ATRX: variants seen among roughly 807,000 people sequenced by gnomAD.
The protein encoded by ATRX is ATRX chromatin remodeler, also known as chromatin remodeler ATRX.
In ATRX, 12 loss-of-function variants were observed where a neutral mutation model predicts 172.6. The ratio of observed to expected loss-of-function variants is 0.07; its 90% CI spans 0.04 to 0.11. The LOEUF is 0.11. Ranked by LOEUF, ATRX falls within the 10% of genes least tolerant of loss-of-function variation. The probability of loss-of-function intolerance (pLI) is 1.00; values close to 1 mark genes in which losing one functional copy is unlikely to be tolerated. For synonymous variants in ATRX, 674 were observed against 594.7 expected (o/e 1.13, Z -1.94); for missense variants, 1,368 against 1,767.4 (o/e 0.77, Z 4.05).
intron 30 of ATRX, among the ~76,000 whole-genome samples, chrX:77,557,014 T>C (rs2064832658): frequency 8.9e-6 from 1 of 111,801 alleles, no homozygotes; most frequent in Admixed American, 9.5e-5. Flanking sequence ...GTCTTGTTTT[T>C]CTTAGTATTC....
chrX:77,550,757 C>T (rs1347761494), intron 30 of ATRX, among the ~76,000 whole-genome samples: 6 of 111,849 alleles, frequency 5.4e-5, no homozygotes, highest in Non-Finnish European at 1.9e-5. Flanking sequence ...TGATAAACAA[C>T]TTCAGCAAAG....
At chrX:77,515,152 G>A (rs782751984) in intron 34 of ATRX, among the ~76,000 whole-genome samples, 73 of 111,741 alleles carry the variant, frequency 6.5e-4, no homozygotes, top group Admixed American at 6.6e-4. Flanking sequence ...CTGCTGGTGG[G>A]AGTGTAAATT....
At chrX:77,662,917 A>G (rs1472854091) in intron 12 of ATRX, among the ~76,000 whole-genome samples, 4 of 111,350 alleles carry the variant, frequency 3.6e-5, no homozygotes, top group Non-Finnish European at 7.5e-5. Context: ...GGATGGTCTC[A>G]ATCTCCTGAC....
In ATRX at chrX:77,684,174, T is replaced by C. The variant is rs2071422865; in HGVS notation, c.1082A>G (p.Glu361Gly). Reference sequence around the variant, plus strand: ...ACTGGAGTTCATGTTGGCTGTGGTCTCAATCAGTTTTTTTGCCTTCTTAAT... The same window carrying C: ...ACTGGAGTTCATGTTGGCTGTGGTCCCAATCAGTTTTTTTGCCTTCTTAAT... ...EMIKKAKKLIETTANMNSSYV... is the reference protein window; with the variant it reads ...EMIKKAKKLIGTTANMNSSYV... Residue 361 changes from glutamate to glycine, a missense_variant, in exon 9 of 35, where the codon GAG becomes GGG. By Grantham distance (98) the Glu-to-Gly change is moderately conservative. Around this residue, in one of 17 missense-constraint regions of ATRX, gnomAD observed 843 missense variants for 643.1 expected, o/e 1.31. Coordinates refer to ENST00000373344, the MANE Select transcript of ATRX (RefSeq NM_000489.6). 1 of 1,208,453 alleles carries C rather than the reference T, an allele frequency of 8.3e-7. No individual in the cohort carries two copies. Among genetic ancestry groups the C allele is most frequent in the African/African-American group, 1.7e-5 (1 of 57,204 alleles).
chrX:77,521,669 T>A (rs1230170746), intron 32 of ATRX, 171 bp from the exon 33 acceptor site: 1 of 393,699 alleles, frequency 2.5e-6, no homozygotes, highest in African/African-American at 2.5e-5. Flanking sequence ...ATATCAATGC[T>A]CAAAGAGTCT....
intron 27 of ATRX, among the ~76,000 whole-genome samples, chrX:77,589,468 C>T (rs1946541201): frequency 9.0e-6 from 1 of 111,116 alleles, no homozygotes; most frequent in South Asian, 3.8e-4. Context: ...TTAATTTATC[C>T]AACAATTTCA....
rs782524815 is a variant in ATRX at position 77,671,416 on chromosome X, G to A, written c.3809+4810C>T. ...ACTTTTTAAAAAAATCTTGGAGGTA[G>A]AACAATAAAAACTATGAAATTAAGA... On this transcript the variant is annotated intron_variant, in intron 10 of 34. Transcript: ENST00000373344. 5.6e-5 allele frequency among the ~76,000 whole-genome samples: 6 copies of A among 107,129 alleles called. No individual in the cohort carries two copies. In the South Asian group the frequency reaches 2.4e-3, roughly 43 times the overall value. 93.0% of individuals were successfully genotyped at this position (107,129 alleles called of 115,157 possible). A position where few individuals can be genotyped will look rare whatever the true frequency, so the allele number is the denominator to read the frequency against.
chrX:77,576,539 T>TA (rs1228598205), intron 27 of ATRX, among the ~76,000 whole-genome samples: 2 of 111,166 alleles, frequency 1.8e-5, no homozygotes, highest in East Asian at 5.6e-4. Flanking sequence ...ATTCTCTGTA[T>TA]AAAAAAACTA....
chrX:77,551,923 C>A (rs914512818), intron 30 of ATRX, among the ~76,000 whole-genome samples: 1 of 111,661 alleles, frequency 9.0e-6, no homozygotes, highest in Non-Finnish European at 1.9e-5. Flanking sequence ...CAATGAGATA[C>A]CATCTCATAC....
chrX:77,745,454 T>C (rs2075033193), intron 1 of ATRX, among the ~76,000 whole-genome samples: 1 of 111,511 alleles, frequency 9.0e-6, no homozygotes, highest in African/African-American at 3.3e-5. Flanking sequence ...GATGGAACTG[T>C]AGGTCATTAT....
At chrX:77,662,199 T>A (rs2069949559) in intron 12 of ATRX, among the ~76,000 whole-genome samples, 2 of 111,368 alleles carry the variant, frequency 1.8e-5, no homozygotes, top group Admixed American at 1.9e-4. Context: ...AATACAAAGG[T>A]CAATAATTCT....
rs996175008 is a variant in ATRX, at chrX:77,683,989, C to T, written c.1267G>A (p.Val423Ile). 1.7e-6 allele frequency: 2 copies of T among 1,208,702 alleles called. No individual in the cohort carries two copies. The highest frequency in any genetic ancestry group is 2.2e-5 in the Admixed American group (1 of 46,011). ...TCTTTGGTATTTTTCTCTTTGTTTA[C>T]AGCATCCATCGCTCGAAACTCGGAA... ...LNSEFRAMDA[V>I]NKEKNTKEHK... The change falls in exon 9 of 35, where the codon GTA becomes ATA. Residue 423 changes from valine to isoleucine, a missense_variant. By Grantham distance (29) the Val-to-Ile change is conservative (BLOSUM62 3). Transcript: ENST00000373344.
At chrX:77,549,394 A>C (rs1459587910) in intron 30 of ATRX, among the ~76,000 whole-genome samples, 1 of 111,667 alleles carries the variant, frequency 9.0e-6, no homozygotes. Flanking sequence ...AAATAAAATA[A>C]AACATGACCT....
rs781967738 is a variant in ATRX at position 77,683,169 on chromosome X, C to G, written c.2087G>C (p.Arg696Thr). The change falls in exon 9 of 35, where the codon AGA becomes ACA. Residue 696 changes from arginine to threonine, a missense_variant. By Grantham distance (71) the Arg-to-Thr change is moderately conservative. Transcript: ENST00000373344. ...KEKQKLSVPV[R>T]KKDKRNSSDS... ...AGAAGAATTACGCTTATCCTTTTTT[C>G]TCACTGGAACTGATAGTTTTTGTTT... The G allele has an allele frequency of 1.3e-5, 16 of 1,206,848 alleles. No homozygotes were observed. The highest frequency in any genetic ancestry group is 8.8e-5 in the South Asian group (5 of 56,763).
At chrX:77,566,672 A>C (rs1315812524) in intron 28 of ATRX, among the ~76,000 whole-genome samples, 11 of 111,252 alleles carry the variant, frequency 9.9e-5, no homozygotes, top group Non-Finnish European at 1.9e-4. Context: ...AGGATGGCTT[A>C]AGCCTAGGAG....
At chrX:77,681,007 T>A (rs1428944320) in intron 9 of ATRX, among the ~76,000 whole-genome samples, 3 of 111,704 alleles carry the variant, frequency 2.7e-5, no homozygotes, top group Admixed American at 9.5e-5. Context: ...CATCTGTTCA[T>A]GTCATTAGAA....
At position 77,582,399 on chromosome X, in the gene ATRX, C is replaced by CA. The variant is rs1160383566; in HGVS notation, c.6217+7434dup. ...TAGGCAACAAAACGAGACCTTGTCT[C>CA]AAAAAAAAAGAAAAAAAAAACAAAA... On this transcript the variant is annotated intron_variant, in intron 27 of 34. Transcript: ENST00000373344. Among the ~76,000 whole-genome samples the CA allele has an allele frequency of 1.8e-4, 13 of 70,333 alleles. 1 individual carries two copies. Among genetic ancestry groups the CA allele is most frequent in the South Asian group, 6.8e-4 (1 of 1,466 alleles). The allele number at this position is 70,333 out of a possible 115,157, so 61.1% of individuals were successfully genotyped here. A position where few individuals can be genotyped will look rare whatever the true frequency, so the allele number is the denominator to read the frequency against.
At chrX:77,563,702 C>CGTGTGTGTGTGTGTGTGT (rs201190876) in intron 28 of ATRX, among the ~76,000 whole-genome samples, 1 of 95,491 alleles carries the variant, frequency 1.0e-5, no homozygotes, top group Non-Finnish European at 2.1e-5. Context: ...TGTGTACATG[C>CGTGTGTGTGTGTGTGTGT]GTGTGTGTGT....
In ATRX at chrX:77,684,296, A is replaced by C; in HGVS notation, c.960T>G (p.Thr320=). 1 of 1,209,517 alleles carries C rather than the reference A, an allele frequency of 8.3e-7. No individual in the cohort carries two copies. The highest frequency in any genetic ancestry group is 1.1e-6 in the Non-Finnish European group (1 of 893,398). ...EHTSRFSPKK[T]SSNCNGEEKK... ...TTTCTTCTCCATTACAATTTGAACT[A>C]GTCTTCTTTGGAGAAAATCTGGATG... is the stretch of plus-strand genomic sequence containing the variant. The change falls in exon 9 of 35, where the codon ACT becomes ACG. Residue 320 remains threonine (T), a synonymous_variant. Coordinates refer to ENST00000373344, the MANE Select transcript of ATRX (RefSeq NM_000489.6).
Sources: gnomAD v4.1 joint callset for allele counts (sites outside exome capture counted in the v4.1 genomes callset) on GRCh38, gnomAD v4.1.1 for gene constraint, gnomAD v4.1.1 regional missense constraint, MANE v1.5 for transcripts, NCBI Gene and HGNC (gene_info 2026-07-23, HGNC 2026-07-21) for gene names.